The following SH3RF1 variants were observed in gnomAD, a reference collection of about 807,000 sequenced individuals.
SH3RF1 encodes the protein SH3 domain containing ring finger 1.
Under a neutral mutation model 74.0 loss-of-function variants are expected in SH3RF1, and 32 were observed. That is an observed-to-expected ratio of 0.43 (90% CI 0.33 to 0.58). The LOEUF is 0.58. Ranked by LOEUF, SH3RF1 falls within the 20% of genes least tolerant of loss-of-function variation. The probability of loss-of-function intolerance (pLI) is 0.05; values close to 1 mark genes in which losing one functional copy is unlikely to be tolerated. For synonymous variants in SH3RF1, 396 were observed against 439.6 expected, an observed-to-expected ratio of 0.90 and a Z score of 1.24; for missense variants, 954 against 1,130.9, an observed-to-expected ratio of 0.84 and a Z score of 2.24.
rs775410135 is a variant in SH3RF1 at position 169,117,787 on chromosome 4, C to A, written c.1518-5G>T. 6.9e-6 allele frequency: 11 copies of A among 1,605,358 alleles called. No individual in the cohort carries two copies. In the African/African-American group the frequency reaches 1.5e-4, roughly 21 times the overall value. On this transcript the variant is annotated splice_polypyrimidine_tract_variant and splice_region_variant and intron_variant, in intron 8 of 11. Transcript: ENST00000284637. ...TGGGAAGCATTTGTCACCGCCCTGC[C>A]AAGACACAAACATAGATGGAAAGCC...
intron 10 of SH3RF1, among the ~76,000 whole-genome samples, chr4:169,109,794 GAGCC>G: frequency 6.6e-6 from 1 of 151,904 alleles, no homozygotes; most frequent in Admixed American, 6.6e-5. Context: ...AGGATCACTT[GAGCC>G]CAGGAGTTCA....
chr4:169,160,697 G>T (rs539855029), intron 2 of SH3RF1, among the ~76,000 whole-genome samples: 3 of 152,120 alleles, frequency 2.0e-5, no homozygotes, highest in African/African-American at 7.2e-5. Context: ...TAAAAAGAAG[G>T]CTTCCCACAT....
At chr4:169,262,336 T>C (rs913604716) in intron 2 of SH3RF1, among the ~76,000 whole-genome samples, 3 of 152,200 alleles carry the variant, frequency 2.0e-5, no homozygotes, top group Non-Finnish European at 2.9e-5. Flanking sequence ...TGCTTTTACA[T>C]ACATTTTGAA....
intron 2 of SH3RF1, among the ~76,000 whole-genome samples, chr4:169,228,781 T>C (rs979766032): frequency 2.6e-5 from 4 of 152,190 alleles, no homozygotes; most frequent in Non-Finnish European, 5.9e-5. Context: ...TTATTTTTCA[T>C]ACAGACTCAC....
chr4:169,224,155 A>T (rs908859654), intron 2 of SH3RF1, among the ~76,000 whole-genome samples: 1 of 152,242 alleles, frequency 6.6e-6, no homozygotes, highest in African/African-American at 2.4e-5. Context: ...TATGAGGGAC[A>T]GGAAGCAGGC....
At chr4:169,150,130 T>C (rs1267276781) in intron 4 of SH3RF1, among the ~76,000 whole-genome samples, 1 of 152,232 alleles carries the variant, frequency 6.6e-6, no homozygotes, top group African/African-American at 2.4e-5. Flanking sequence ...CCATGATTTG[T>C]CTATGGTTGA....
At chr4:169,243,163 C>G (rs548923740) in intron 2 of SH3RF1, among the ~76,000 whole-genome samples, 2 of 152,252 alleles carry the variant, frequency 1.3e-5, no homozygotes, top group East Asian at 3.9e-4. Flanking sequence ...ATGTTATTCT[C>G]ATTACAACTA....
intron 2 of SH3RF1, among the ~76,000 whole-genome samples, chr4:169,191,329 C>A (rs191014596): frequency 1.0e-3 from 149 of 143,932 alleles, no homozygotes; most frequent in African/African-American, 2.5e-3. Context: ...TAGGAATATA[C>A]CTAACCAAGG....
chr4:169,222,494 T>A (rs1263672648), intron 2 of SH3RF1, among the ~76,000 whole-genome samples: 2 of 148,026 alleles, frequency 1.4e-5, no homozygotes, highest in Admixed American at 6.8e-5. Flanking sequence ...ATTTTATATA[T>A]ATATTTTTAT....
At chr4:169,200,352 G>T (rs1208648042) in intron 2 of SH3RF1, among the ~76,000 whole-genome samples, 1 of 151,830 alleles carries the variant, frequency 6.6e-6, no homozygotes, top group Non-Finnish European at 1.5e-5. Flanking sequence ...CCAACAATAG[G>T]TATTATATAG....
chr4:169,140,777 A>C (rs1041674683), intron 4 of SH3RF1, among the ~76,000 whole-genome samples: 2 of 152,120 alleles, frequency 1.3e-5, no homozygotes, highest in African/African-American at 4.8e-5. Flanking sequence ...AATAGTTACT[A>C]TTTTATAGGA....
chr4:169,167,816 C>G lies in SH3RF1; in HGVS notation c.394-11137G>C, dbSNP rs555734307. On this transcript the variant is annotated intron_variant, in intron 2 of 11. Transcript: ENST00000284637. The stretch of plus-strand genomic sequence containing the variant: ...TCCTGGTGTAGAAAGGTATCAAAAC[C>G]TACTAGATCGTACACTTAAGAACTG... 1.4e-3 allele frequency among the ~76,000 whole-genome samples: 219 copies of G among 152,036 alleles called. 1 individual carries two copies. Among genetic ancestry groups the G allele is most frequent in the South Asian group, 9.8e-3 (47 of 4,804 alleles).
chr4:169,213,423 AACAGTCTT>A (rs1730412497), intron 2 of SH3RF1, among the ~76,000 whole-genome samples: 1 of 152,204 alleles, frequency 6.6e-6, no homozygotes. Context: ...CATTTTAGCT[AACAGTCTT>A]TTATCAGATA....
intron 2 of SH3RF1, among the ~76,000 whole-genome samples, chr4:169,206,411 AC>A (rs1448395738): frequency 6.6e-6 from 1 of 152,186 alleles, no homozygotes; most frequent in East Asian, 1.9e-4. Flanking sequence ...GGTGGTTCAC[AC>A]CCATAATTCC....
chr4:169,101,087 T>C (rs1733019755), intron 11 of SH3RF1, among the ~76,000 whole-genome samples: 1 of 152,224 alleles, frequency 6.6e-6, no homozygotes, highest in African/African-American at 2.4e-5. Flanking sequence ...CAATGTATTA[T>C]TACCATCTGT....
chr4:169,180,417 G>A (rs558655265), intron 2 of SH3RF1, among the ~76,000 whole-genome samples: 13 of 152,304 alleles, frequency 8.5e-5, no homozygotes, highest in South Asian at 2.1e-4. Flanking sequence ...TAACACTGTA[G>A]CTTAACACAC....
intron 2 of SH3RF1, among the ~76,000 whole-genome samples, chr4:169,225,584 C>G (rs1730644181): frequency 6.6e-6 from 1 of 152,152 alleles, no homozygotes. Flanking sequence ...CTAAGAGAGT[C>G]TGGAGACTGT....
At chr4:169,254,707 A>T (rs989081716) in intron 2 of SH3RF1, among the ~76,000 whole-genome samples, 4 of 152,194 alleles carry the variant, frequency 2.6e-5, no homozygotes, top group African/African-American at 9.6e-5. Context: ...AAAAACAAGG[A>T]GCAGGAGGGT....
At chr4:169,218,510 C>T (rs1730504844) in intron 2 of SH3RF1, among the ~76,000 whole-genome samples, 1 of 143,940 alleles carries the variant, frequency 6.9e-6, no homozygotes, top group Non-Finnish European at 1.5e-5. Context: ...TATATATTTG[C>T]CCCCAAAACA....
Sources: allele counts gnomAD v4.1 joint callset (sites outside exome capture counted in the v4.1 genomes callset), GRCh38; gene constraint gnomAD v4.1.1; transcripts MANE v1.5; gene names NCBI Gene and HGNC (gene_info 2026-07-23, HGNC 2026-07-21).